Variants in KLHL8 observed in about 807,000 individuals in gnomAD.
The protein encoded by KLHL8 is kelch like family member 8.
Under a neutral mutation model 63.5 loss-of-function variants are expected in KLHL8, and 38 were observed. That is an observed-to-expected ratio of 0.60 (90% CI 0.46 to 0.78). The LOEUF is 0.78. Among genes scored for constraint, KLHL8 ranks in the 30% least tolerant of loss-of-function variants. The pLI, the probability that KLHL8 is intolerant of heterozygous loss-of-function variation, is 0.00. For missense variants in KLHL8, 566 were observed against 752.4 expected (o/e 0.75, Z 2.90); for synonymous variants, 224 against 254.3 (o/e 0.88, Z 1.13).
At position 87,178,577 on chromosome 4, in the gene KLHL8, G is replaced by A. The variant is rs765158687; in HGVS notation, c.996C>T (p.Pro332=). 1.9e-5 allele frequency: 31 copies of A among 1,607,768 alleles called. No homozygotes were observed. Among genetic ancestry groups the A allele is most frequent in the Non-Finnish European group, 2.6e-5 (31 of 1,178,368 alleles). ...CVGGRGGSGD[P]FRSIECYSIN... Reference sequence around the variant, plus strand: ...TAGAATAGCATTCAATACTGCGAAAGGGGTCACCAGATCCACCTCGACCAC... The same window carrying A: ...TAGAATAGCATTCAATACTGCGAAAAGGGTCACCAGATCCACCTCGACCAC... The change falls in exon 5 of 10, where the codon CCC becomes CCT. Residue 332 remains proline (P), a synonymous_variant. Transcript: ENST00000273963.
chr4:87,186,762 G>A (rs1252618116), intron 2 of KLHL8, among the ~76,000 whole-genome samples: 4 of 152,144 alleles, frequency 2.6e-5, no homozygotes, highest in Non-Finnish European at 4.4e-5. Context: ...TTACAGGCAT[G>A]AGCCACAGAG....
intron 1 of KLHL8, among the ~76,000 whole-genome samples, chr4:87,231,849 C>T (rs889600193): frequency 2.6e-5 from 4 of 152,144 alleles, no homozygotes; most frequent in East Asian, 1.9e-4. Flanking sequence ...CTGCCTGCCT[C>T]GGCCTCCCAA....
At chr4:87,232,658 A>G (rs1338110099) in intron 1 of KLHL8, among the ~76,000 whole-genome samples, 4 of 152,272 alleles carry the variant, frequency 2.6e-5, no homozygotes, top group Non-Finnish European at 5.9e-5. Flanking sequence ...GACTCCAGTG[A>G]TCGTACATTC....
chr4:87,180,110 T>C (rs1730993518), intron 4 of KLHL8, among the ~76,000 whole-genome samples: 1 of 152,210 alleles, frequency 6.6e-6, no homozygotes, highest in Non-Finnish European at 1.5e-5. Flanking sequence ...CCTCCCCTCT[T>C]TCTCTCTCTT....
intron 1 of KLHL8, among the ~76,000 whole-genome samples, chr4:87,238,124 C>T (rs1200101807): frequency 6.6e-6 from 1 of 151,936 alleles, no homozygotes; most frequent in Non-Finnish European, 1.5e-5. Flanking sequence ...TTAGTAGAGA[C>T]AGGGTTTCAC....
intron 1 of KLHL8, among the ~76,000 whole-genome samples, chr4:87,205,570 G>A (rs1415306858): frequency 2.6e-5 from 4 of 152,046 alleles, no homozygotes; most frequent in South Asian, 2.1e-4. Flanking sequence ...TTATCCTTCC[G>A]CCTCAGCACC....
At chr4:87,163,703 C>T in intron 9 of KLHL8, 61 bp from the exon 10 acceptor site, 8 of 1,597,902 alleles carry the variant, frequency 5.0e-6, no homozygotes, top group Non-Finnish European at 6.8e-6. Context: ...AAAATACTAA[C>T]CAAAGACAAA....
At chr4:87,234,574 G>A (rs775889713) in intron 1 of KLHL8, among the ~76,000 whole-genome samples, 5 of 152,134 alleles carry the variant, frequency 3.3e-5, no homozygotes, top group Non-Finnish European at 5.9e-5. Context: ...AACCTACTGT[G>A]TTGCCAGTGG....
intron 1 of KLHL8, among the ~76,000 whole-genome samples, chr4:87,232,129 T>C (rs942621193): frequency 2.0e-5 from 3 of 152,238 alleles, no homozygotes; most frequent in Admixed American, 2.0e-4. Flanking sequence ...ACTGTGCACT[T>C]ACCTCTGTGT....
intron 1 of KLHL8, chr4:87,208,151 G>A (rs1303619654): frequency 2.5e-6 from 1 of 399,876 alleles, no homozygotes; most frequent in African/African-American, 2.1e-5. Flanking sequence ...CGTCACTGCT[G>A]GGGAGTCCCT....
chr4:87,173,633 T>G (rs1185996031), intron 6 of KLHL8, among the ~76,000 whole-genome samples: 1 of 152,242 alleles, frequency 6.6e-6, no homozygotes, highest in East Asian at 1.9e-4. Context: ...ACAAAATAAT[T>G]GTAGCTCTAT....
chr4:87,187,449 T>C (rs1396461252), intron 2 of KLHL8, among the ~76,000 whole-genome samples: 2 of 151,964 alleles, frequency 1.3e-5, no homozygotes, highest in Non-Finnish European at 2.9e-5. Flanking sequence ...TTTGAGCTAT[T>C]TGTATTTCTT....
intron 2 of KLHL8, among the ~76,000 whole-genome samples, chr4:87,190,537 G>C (rs890184340): frequency 1.3e-5 from 2 of 151,876 alleles, no homozygotes; most frequent in Admixed American, 1.3e-4. Flanking sequence ...CCAGCTACTC[G>C]GGGGGCTGAC....
chr4:87,169,122 C>A (rs10050249), intron 8 of KLHL8, among the ~76,000 whole-genome samples: 24 of 151,814 alleles, frequency 1.6e-4, no homozygotes, highest in African/African-American at 5.6e-4. Context: ...CTGGCAAACA[C>A]GATGAAACCC....
intron 1 of KLHL8, among the ~76,000 whole-genome samples, chr4:87,199,662 A>T (rs1161507619): frequency 3.1e-5 from 2 of 65,062 alleles, no homozygotes; most frequent in Non-Finnish European, 1.1e-4. Context: ...ATTAAAAAAA[A>T]AACAAAAAAA....
intron 1 of KLHL8, among the ~76,000 whole-genome samples, chr4:87,218,495 G>A (rs1732687979): frequency 6.6e-6 from 1 of 152,160 alleles, no homozygotes. Flanking sequence ...GGGATTACAG[G>A]CGTGAGCCAC....
chr4:87,216,026 A>G lies in KLHL8; in HGVS notation c.-152+4392T>C, dbSNP rs558062676. ...CATTGGGTGTTTTGTTGTGAAAACA[A>G]AGAACATCCAAATTTAGAATAAACA... On this transcript the variant is annotated intron_variant, in intron 1 of 9. Transcript: ENST00000273963. Among the ~76,000 whole-genome samples the G allele has an allele frequency of 3.3e-5, 5 of 152,378 alleles. No homozygotes were observed. The South Asian group carries it at 1.0e-3, about 32-fold the overall frequency.
In KLHL8 at chr4:87,226,227, A is replaced by C. The variant is rs553939336; in HGVS notation, n.58-4837T>G. ...TGTTTCCATTGCAATTTGTATTCCAAATGTACGATGTCTGTGAAAAGTACT... is the reference window on the plus strand; with the variant it reads ...TGTTTCCATTGCAATTTGTATTCCACATGTACGATGTCTGTGAAAAGTACT... On this transcript the variant is annotated intron_variant and non_coding_transcript_variant, in intron 1 of 1. Coordinates refer to the KLHL8 transcript ENST00000506274. Among the ~76,000 whole-genome samples the C allele has an allele frequency of 5.6e-4, 86 of 152,276 alleles. 1 individual carries two copies. The highest frequency in any genetic ancestry group is 9.7e-4 in the Non-Finnish European group (66 of 68,026).
At chr4:87,174,514 G>A (rs1301326309) in intron 6 of KLHL8, among the ~76,000 whole-genome samples, 2 of 151,998 alleles carry the variant, frequency 1.3e-5, no homozygotes, top group Non-Finnish European at 2.9e-5. Context: ...CCTGACCTCA[G>A]GTGATCCGCC....
Sources: allele counts gnomAD v4.1 joint callset (sites outside exome capture counted in the v4.1 genomes callset), GRCh38; gene constraint gnomAD v4.1.1; transcripts MANE v1.5; gene names NCBI Gene and HGNC (gene_info 2026-07-23, HGNC 2026-07-21).